Variants in MBTPS1 observed in about 807,000 individuals in gnomAD.
MBTPS1 encodes the protein membrane bound transcription factor peptidase, site 1, also known as membrane-bound transcription factor site-1 protease.
A neutral mutation model predicts 127.8 loss-of-function variants in MBTPS1; 94 were observed. That is an observed-to-expected ratio of 0.74 (90% CI 0.62 to 0.87). MBTPS1 has a LOEUF of 0.87. Among genes scored for constraint, MBTPS1 ranks in the 40% least tolerant of loss-of-function variants. The pLI, the probability that MBTPS1 is intolerant of heterozygous loss-of-function variation, is 0.00. For synonymous variants in MBTPS1, 632 were observed against 509.4 expected, an observed-to-expected ratio of 1.24 and a Z score of -3.24; for missense variants, 1,636 against 1,353.2, an observed-to-expected ratio of 1.21 and a Z score of -3.28.
intron 2 of MBTPS1, among the ~76,000 whole-genome samples, chr16:84,100,493 G>A (rs556666588): frequency 3.3e-5 from 5 of 151,806 alleles, no homozygotes; most frequent in African/African-American, 1.2e-4. Context: ...GCGGTGAGCT[G>A]AGATGGTGCC....
At chr16:84,100,903 C>T (rs1019494276) in intron 2 of MBTPS1, among the ~76,000 whole-genome samples, 1 of 151,406 alleles carries the variant, frequency 6.6e-6, no homozygotes, top group Non-Finnish European at 1.5e-5. Flanking sequence ...GCCTGTAATC[C>T]CAGCACTTTG....
chr16:84,116,362 G>A (rs570565686), intron 1 of MBTPS1, among the ~76,000 whole-genome samples: 2 of 152,312 alleles, frequency 1.3e-5, no homozygotes, highest in South Asian at 2.1e-4. Flanking sequence ...TGCACAGACC[G>A]AGATAAGGCA....
chr16:84,063,561 T>G (rs973618663), intron 18 of MBTPS1, 116 bp from the exon 19 acceptor site: 1 of 1,021,312 alleles, frequency 9.8e-7, no homozygotes, highest in Non-Finnish European at 1.4e-6. Flanking sequence ...TAATATTCAA[T>G]TAAAACATTG....
chr16:84,061,079 A>G (rs577484146), intron 19 of MBTPS1: 1 of 264,464 alleles, frequency 3.8e-6, no homozygotes, highest in South Asian at 6.0e-5. Context: ...CAGCCTCCCA[A>G]AGTGCTGGGA....
chr16:84,082,323 C>T (rs73249064), intron 10 of MBTPS1, among the ~76,000 whole-genome samples: 3,693 of 152,180 alleles, frequency 0.024, 139 homozygotes, highest in African/African-American at 0.084. Context: ...GGAGGGGCCA[C>T]GACACAGGAC....
chr16:84,057,265 G>A (rs1441209799), intron 21 of MBTPS1: 1 of 152,244 alleles, frequency 6.6e-6, no homozygotes, highest in Non-Finnish European at 1.5e-5. Flanking sequence ...TAATCAGTCT[G>A]AAAGTTAAAC....
intron 7 of MBTPS1, 51 bp downstream of exon 7, chr16:84,091,681 C>T (rs374299753): frequency 3.5e-5 from 46 of 1,302,152 alleles, no homozygotes; most frequent in African/African-American, 5.8e-5. Flanking sequence ...AGTTGGGCTG[C>T]GAAAGAGCAG....
At chr16:84,113,332 G>T (rs1405991469) in intron 1 of MBTPS1, among the ~76,000 whole-genome samples, 1 of 152,110 alleles carries the variant, frequency 6.6e-6, no homozygotes, top group Non-Finnish European at 1.5e-5. Flanking sequence ...CCATATAAAG[G>T]CATAACGTTC....
intron 1 of MBTPS1, among the ~76,000 whole-genome samples, chr16:84,106,964 T>C (rs951961136): frequency 1.3e-5 from 2 of 152,148 alleles, no homozygotes; most frequent in South Asian, 4.1e-4. Flanking sequence ...TGCTTGCCCC[T>C]AATTGAGATG....
chr16:84,095,678 T>C lies in MBTPS1; in HGVS notation c.549A>G (p.Arg183=). ...FWHATGRHSS[R]RLLRAIPRQV... Reference sequence around the variant, plus strand: ...GGCGCGGGATGGCTCTCAGCAGCCGTCTGCTCGAATGCCTTCCCGTAGCAT... The same window carrying C: ...GGCGCGGGATGGCTCTCAGCAGCCGCCTGCTCGAATGCCTTCCCGTAGCAT... Residue 183 remains arginine (R), a synonymous_variant, in exon 4 of 23, where the codon AGA becomes AGG. Coordinates refer to ENST00000343411, the MANE Select transcript of MBTPS1 (RefSeq NM_003791.4). 1 of 1,614,210 alleles carries C rather than the reference T, an allele frequency of 6.2e-7. No homozygotes were observed. The highest frequency in any genetic ancestry group is 8.5e-7 in the Non-Finnish European group (1 of 1,180,026).
chr16:84,077,461 A>C (rs569916251), intron 11 of MBTPS1, among the ~76,000 whole-genome samples: 1 of 152,326 alleles, frequency 6.6e-6, no homozygotes, highest in African/African-American at 2.4e-5. Context: ...AACTTAGTAC[A>C]TAATAAAGAC....
rs1189634696 is a variant in MBTPS1, at chr16:84,055,992, G to T, written c.2962+13C>A. Reference sequence around the variant, plus strand: ...GATGACTGAGCACAATCACAAAGCAGCCGAGAACTCACCTCCAGGAATGTC... The same window carrying T: ...GATGACTGAGCACAATCACAAAGCATCCGAGAACTCACCTCCAGGAATGTC... On this transcript the variant is annotated intron_variant, in intron 22 of 22. Transcript: ENST00000343411. The T allele has an allele frequency of 6.2e-7, 1 of 1,607,578 alleles. No individual in the cohort carries two copies. The highest frequency in any genetic ancestry group is 8.5e-7 in the Non-Finnish European group (1 of 1,175,894).
At chr16:84,072,029 T>A (rs1258150505) in intron 12 of MBTPS1, 1 of 152,244 alleles carries the variant, frequency 6.6e-6, no homozygotes, top group Non-Finnish European at 1.5e-5. Context: ...TACCCCCATC[T>A]AAGCTGAAAG....
At chr16:84,090,576 G>GA (rs939418955) in intron 8 of MBTPS1, among the ~76,000 whole-genome samples, 7 of 151,912 alleles carry the variant, frequency 4.6e-5, no homozygotes, top group East Asian at 1.9e-4. Context: ...GATTTTTGGG[G>GA]AAAAAAAGTA....
intron 14 of MBTPS1, among the ~76,000 whole-genome samples, chr16:84,069,466 G>C (rs1214438430): frequency 1.3e-5 from 2 of 152,140 alleles, no homozygotes; most frequent in East Asian, 3.9e-4. Context: ...GTGGAATTTA[G>C]GGCAACAACA....
chr16:84,075,624 T>C (rs1159215371), intron 11 of MBTPS1: 1 of 152,256 alleles, frequency 6.6e-6, no homozygotes, highest in African/African-American at 2.4e-5. Context: ...CTTCACCTCA[T>C]TACAGGAGAT....
rs1460167632 is a variant in MBTPS1 at position 84,074,801 on chromosome 16, C to A, written c.1449-60G>T. ...ATGAGAAAACTACAATGAAGCAACA[C>A]AACTGTACAAGACAGAGTTAACAAA... is the stretch of plus-strand genomic sequence containing the variant. On this transcript the variant is annotated intron_variant, in intron 11 of 22. Transcript: ENST00000343411. 16 of 1,474,720 alleles carry A rather than the reference C, an allele frequency of 1.1e-5. No individual in the cohort carries two copies. In the Admixed American group the frequency reaches 2.3e-4, roughly 22 times the overall value. The allele number at this position is 1,474,720 out of a possible 1,614,324, so 91.4% of individuals were successfully genotyped here. A position where few individuals can be genotyped will look rare whatever the true frequency, so the allele number is the denominator to read the frequency against.
chr16:84,074,713 C>T lies in MBTPS1; in HGVS notation c.1477G>A (p.Glu493Lys). The change falls in exon 12 of 23, where the codon GAG (glutamate) becomes AAG (lysine). Residue 493 changes from glutamate (E) to lysine (K), a missense_variant. By Grantham distance (56) the Glu-to-Lys change is moderately conservative. Transcript: ENST00000343411. ...CAGTAGGGCCACATGTAGGGACACT[C>T]AGTCAGATCTATGTAGCTGGGGCTC... Reference protein sequence around the residue: ...SLSPSYIDLTECPYMWPYCSQ... With the variant: ...SLSPSYIDLTKCPYMWPYCSQ... 1.2e-6 allele frequency: 2 copies of T among 1,614,086 alleles called. No individual in the cohort carries two copies. Among genetic ancestry groups the T allele is most frequent in the Non-Finnish European group, 1.7e-6 (2 of 1,179,980 alleles).
intron 18 of MBTPS1, among the ~76,000 whole-genome samples, chr16:84,065,090 C>T (rs1375050017): frequency 1.4e-5 from 2 of 147,380 alleles, no homozygotes; most frequent in Non-Finnish European, 3.0e-5. Flanking sequence ...TAAAGGGTAA[C>T]AAAAAAATTC....
Sources: allele counts gnomAD v4.1 joint callset (sites outside exome capture counted in the v4.1 genomes callset), GRCh38; gene constraint gnomAD v4.1.1; transcripts MANE v1.5; gene names NCBI Gene and HGNC (gene_info 2026-07-23, HGNC 2026-07-21).